The following EFTUD2 variants were observed in gnomAD, a reference collection of about 807,000 sequenced individuals.
EFTUD2 encodes elongation factor Tu GTP binding domain containing 2, also known as 116 kDa U5 small nuclear ribonucleoprotein component.
A neutral mutation model predicts 114.3 loss-of-function variants in EFTUD2; 9 were observed. That is an observed-to-expected ratio of 0.08 (90% CI 0.05 to 0.14). The LOEUF is 0.14. EFTUD2 is among the 10% of genes least tolerant of loss of function. The probability of loss-of-function intolerance (pLI) is 1.00; values close to 1 mark genes in which losing one functional copy is unlikely to be tolerated. For missense variants in EFTUD2, 765 were observed against 1,241.2 expected (o/e 0.62, Z 5.76); for synonymous variants, 449 against 462.3 (o/e 0.97, Z 0.37).
In EFTUD2 at chr17:44,851,193, C is replaced by A. The variant is rs2050440905; in HGVS notation, c.*81G>T. ...CAGACACTCTCTGACAACACGAAGG[C>A]CACGTCATATGAGGTCTCAGCTTCA... On this transcript the variant is annotated 3_prime_UTR_variant, in exon 28 of 28. Coordinates refer to ENST00000426333, the MANE Select transcript of EFTUD2 (RefSeq NM_004247.4). 1 of 1,167,806 alleles carries A rather than the reference C, an allele frequency of 8.6e-7. No individual in the cohort carries two copies. Among genetic ancestry groups the A allele is most frequent in the African/African-American group, 1.5e-5 (1 of 66,344 alleles). The allele number at this position is 1,167,806 out of a possible 1,614,324, so 72.3% of individuals were successfully genotyped here. A position where few individuals can be genotyped will look rare whatever the true frequency, so the allele number is the denominator to read the frequency against.
chr17:44,885,668 C>A (rs2051157623), intron 3 of EFTUD2, among the ~76,000 whole-genome samples: 1 of 148,682 alleles, frequency 6.7e-6, no homozygotes, highest in African/African-American at 2.5e-5. Flanking sequence ...TCAATGAAAA[C>A]TTTTTTTTTT....
At chr17:44,894,939 G>T (rs2051351558) in intron 1 of EFTUD2, among the ~76,000 whole-genome samples, 1 of 152,208 alleles carries the variant, frequency 6.6e-6, no homozygotes, top group Non-Finnish European at 1.5e-5. Context: ...GGCAAGAACA[G>T]TACAAATAAC....
intron 6 of EFTUD2, 44 bp from the exon 7 acceptor site, chr17:44,881,766 T>C (rs769189286): frequency 6.3e-7 from 1 of 1,595,914 alleles, no homozygotes; most frequent in South Asian, 1.1e-5. Flanking sequence ...TTGAGACTGC[T>C]CTCCCACAAA....
chr17:44,852,279 C>G (rs1183166153), intron 26 of EFTUD2, 130 bp downstream of exon 26: 3 of 1,137,756 alleles, frequency 2.6e-6, no homozygotes, highest in Non-Finnish European at 2.4e-6. Context: ...TGAATATATG[C>G]TCCCCAGAGG....
chr17:44,852,011 G>A (rs557605313), intron 26 of EFTUD2, among the ~76,000 whole-genome samples, 194 bp from the exon 27 acceptor site: 6 of 151,996 alleles, frequency 3.9e-5, no homozygotes, highest in African/African-American at 1.2e-4. Flanking sequence ...TCCGCCTCCC[G>A]GGTTCAAGCG....
intron 20 of EFTUD2, among the ~76,000 whole-genome samples, chr17:44,855,499 C>T (rs989886774): frequency 4.0e-5 from 6 of 151,864 alleles, no homozygotes; most frequent in African/African-American, 7.3e-5. Flanking sequence ...ACCCAGAAGG[C>T]GGAGGTTGCA....
chr17:44,888,883 C>T (rs1014666395), intron 2 of EFTUD2, among the ~76,000 whole-genome samples: 4 of 152,180 alleles, frequency 2.6e-5, no homozygotes, highest in African/African-American at 9.6e-5. Flanking sequence ...GACATACAAA[C>T]ATGCCATTCA....
At position 44,864,937 on chromosome 17, in the gene EFTUD2, C is replaced by G; in HGVS notation, c.1278G>C (p.Glu426Asp). The part of the protein sequence containing the change: ...LRLVCKKFFG[E>D]FTGFVDMCVQ... ...CCACGAGCACATTATTACCTGTGAA[C>G]TCGCCAAAGAACTTTTTGCAGACCA... Residue 426 changes from glutamate (E) to aspartate (D), a missense_variant, in exon 14 of 28, where the codon GAG becomes GAC. By Grantham distance (45) the Glu-to-Asp change is conservative. Around this residue, in one of 6 missense-constraint regions of EFTUD2, gnomAD observed 251 missense variants for 357.7 expected, o/e 0.70. Coordinates refer to ENST00000426333, the MANE Select transcript of EFTUD2 (RefSeq NM_004247.4). 1 of 1,614,110 alleles carries G rather than the reference C, an allele frequency of 6.2e-7. No homozygotes were observed. Among genetic ancestry groups the G allele is most frequent in the Non-Finnish European group, 8.5e-7 (1 of 1,180,014 alleles).
intron 1 of EFTUD2, among the ~76,000 whole-genome samples, chr17:44,897,919 T>A (rs996588767): frequency 8.5e-5 from 13 of 152,134 alleles, no homozygotes; most frequent in Non-Finnish European, 1.8e-4. Context: ...ACACAGCCAA[T>A]AGCCAAGACA....
intron 2 of EFTUD2, among the ~76,000 whole-genome samples, chr17:44,890,493 G>T (rs540291784): frequency 4.0e-5 from 6 of 151,742 alleles, no homozygotes; most frequent in African/African-American, 1.2e-4. Flanking sequence ...GGGAGTTCGA[G>T]ACCAGTCTGA....
At position 44,851,742 on chromosome 17, in the gene EFTUD2, G is replaced by A. The variant is rs755757989; in HGVS notation, c.2791C>T (p.Arg931Trp). ...LEPQPAPHLA[R>W]EFMIKTRRRK... Reference sequence around the variant, plus strand: ...CGGCGGGTTTTGATCATGAATTCCCGGGCCAGGTGAGGAGCTGGCTGTGGC... The same window carrying A: ...CGGCGGGTTTTGATCATGAATTCCCAGGCCAGGTGAGGAGCTGGCTGTGGC... The change falls in exon 27 of 28, where the codon CGG (arginine) becomes TGG (tryptophan). Residue 931 changes from arginine (R) to tryptophan (W), a missense_variant. Arg to Trp is a moderately radical substitution (Grantham distance 101, BLOSUM62 -3). Around this residue, in one of 6 missense-constraint regions of EFTUD2, gnomAD observed 166 missense variants for 401.5 expected, o/e 0.41. Transcript: ENST00000426333. 9 of 1,584,332 alleles carry A rather than the reference G, an allele frequency of 5.7e-6. No homozygotes were observed. Among genetic ancestry groups the A allele is most frequent in the South Asian group, 1.2e-5 (1 of 85,500 alleles).
intron 20 of EFTUD2, among the ~76,000 whole-genome samples, chr17:44,856,765 A>C (rs1015198416): frequency 8.6e-5 from 13 of 150,916 alleles, no homozygotes; most frequent in South Asian, 4.2e-4. Flanking sequence ...TGTCAAAAAA[A>C]AAAAAAACAA....
intron 2 of EFTUD2, among the ~76,000 whole-genome samples, chr17:44,892,529 G>C (rs1355401068): frequency 6.6e-6 from 1 of 151,268 alleles, no homozygotes; most frequent in Non-Finnish European, 1.5e-5. Context: ...GGGAAGAAGA[G>C]TGAATGGAAT....
At chr17:44,887,538 A>C (rs1567753115) in intron 2 of EFTUD2, among the ~76,000 whole-genome samples, 1 of 152,242 alleles carries the variant, frequency 6.6e-6, no homozygotes. Flanking sequence ...TACAGCGTAG[A>C]TAAGCCTTGA....
rs1484608135 is a variant in EFTUD2, at chr17:44,868,346, G to A, written c.999C>T (p.Asp333=). 3.7e-6 allele frequency: 6 copies of A among 1,613,754 alleles called. No individual in the cohort carries two copies. The highest frequency in any genetic ancestry group is 1.3e-5 in the African/African-American group (1 of 74,886). ...TTTTAGCAAATTCTTGGTAATTAAT[G>A]TCACCTATGGGAGAAGCCACACAAT... ...FAKIYADTFG[D]INYQEFAKRL... is the part of the protein sequence containing the mutation. The change falls in exon 12 of 28, where the codon GAC becomes GAT. Residue 333 remains aspartate, a synonymous_variant. Coordinates refer to ENST00000426333, the MANE Select transcript of EFTUD2 (RefSeq NM_004247.4).
intron 8 of EFTUD2, among the ~76,000 whole-genome samples, chr17:44,879,927 G>T (rs1171876692): frequency 6.6e-6 from 1 of 152,084 alleles, no homozygotes; most frequent in African/African-American, 2.4e-5. Flanking sequence ...AGTAAGTAGA[G>T]TTCTGTGGGA....
chr17:44,879,788 C>CCCCATTAG, intron 8 of EFTUD2, 150 bp from the exon 9 acceptor site: 1 of 726,472 alleles, frequency 1.4e-6, no homozygotes, highest in East Asian at 2.8e-5. Context: ...TAAAAATATC[C>CCCCATTAG]CCCATTAGTG....
chr17:44,888,809 T>A (rs1325191537), intron 2 of EFTUD2, among the ~76,000 whole-genome samples: 1 of 151,988 alleles, frequency 6.6e-6, no homozygotes, highest in African/African-American at 2.4e-5. Flanking sequence ...TACTTAGGTG[T>A]GAGTTAACGC....
At chr17:44,883,277 A>G in intron 5 of EFTUD2, 119 bp from the exon 6 acceptor site, 1 of 844,896 alleles carries the variant, frequency 1.2e-6, no homozygotes, top group Non-Finnish European at 1.9e-6. Flanking sequence ...GAGAGCAAGG[A>G]GGGTTATGGG....
Sources: gnomAD v4.1 joint callset for allele counts (sites outside exome capture counted in the v4.1 genomes callset) on GRCh38, gnomAD v4.1.1 for gene constraint, gnomAD v4.1.1 regional missense constraint, MANE v1.5 for transcripts, NCBI Gene and HGNC (gene_info 2026-07-23, HGNC 2026-07-21) for gene names.